CA2: variants seen among roughly 807,000 people sequenced by gnomAD.
The protein encoded by CA2 is carbonate dehydratase II.
CA2 carries 23 observed loss-of-function variants against 27.8 expected under a neutral mutation model. The observed-to-expected ratio is 0.83, with a 90% CI of 0.59 to 1.17. CA2 has a LOEUF of 1.17. Among genes scored for constraint, CA2 ranks in the 50% most tolerant of loss-of-function variants. The pLI is 0.00. For missense variants in CA2, 300 were observed against 314.7 expected, an observed-to-expected ratio of 0.95 and a Z score of 0.35; for synonymous variants, 99 against 114.9, an observed-to-expected ratio of 0.86 and a Z score of 0.88.
At chr8:85,474,499 C>A in intron 4 of CA2, 83 bp downstream of exon 4, 2 of 1,035,114 alleles carry the variant, frequency 1.9e-6, no homozygotes, top group Non-Finnish European at 3.1e-6. Flanking sequence ...ACAGGACATT[C>A]TACAAAAGAG....
At chr8:85,467,642 T>G (rs1811648909) in intron 2 of CA2, among the ~76,000 whole-genome samples, 1 of 152,256 alleles carries the variant, frequency 6.6e-6, no homozygotes, top group Admixed American at 6.5e-5. Flanking sequence ...TTCTGAAGCA[T>G]ACTGTTTATC....
Position 85,477,295 on chromosome 8 carries a change from G to A in CA2, c.663+20G>A, listed in dbSNP as rs754835312. The A allele has an allele frequency of 2.5e-6, 4 of 1,613,946 alleles. No homozygotes were observed. The highest frequency in any genetic ancestry group is 3.4e-6 in the Non-Finnish European group (4 of 1,179,878). ...GAGCAGGTTTGTTTTGTAATGACAG[G>A]TCTGTTTACGGGTGGAGCATTTAGT... On this transcript the variant is annotated intron_variant, in intron 6 of 6. Coordinates refer to ENST00000285379, the MANE Select transcript of CA2 (RefSeq NM_000067.3).
chr8:85,473,257 G>C (rs958607731), intron 2 of CA2: 1 of 351,332 alleles, frequency 2.8e-6, no homozygotes, highest in South Asian at 2.2e-5. Context: ...TCTCACGTTT[G>C]CAAGTGTGTG....
chr8:85,480,058 T>C (rs1811864268), intron 6 of CA2, among the ~76,000 whole-genome samples: 1 of 152,200 alleles, frequency 6.6e-6, no homozygotes. Context: ...AGACTTTTGA[T>C]GTTAGATTTT....
At position 85,477,162 on chromosome 8, in the gene CA2, C is replaced by T. The variant is rs753847702; in HGVS notation, c.550C>T (p.Leu184Phe). The T allele has an allele frequency of 1.9e-6, 3 of 1,614,094 alleles. No homozygotes were observed. The highest frequency in any genetic ancestry group is 1.6e-4 in the Middle Eastern group (1 of 6,062). ...CACTAACTTCGATCCTCGTGGCCTCCTTCCTGAATCCTTGGATTACTGGAC... is the reference window on the plus strand; with the variant it reads ...CACTAACTTCGATCCTCGTGGCCTCTTTCCTGAATCCTTGGATTACTGGAC... Reference protein sequence around the residue: ...DFTNFDPRGLLPESLDYWTYP... With the variant: ...DFTNFDPRGLFPESLDYWTYP... Residue 184 changes from leucine to phenylalanine, a missense_variant, in exon 6 of 7, where the codon CTT becomes TTT. By Grantham distance (22) the Leu-to-Phe change is conservative. Transcript: ENST00000285379.
At chr8:85,475,606 T>C (rs1228838721) in intron 4 of CA2, among the ~76,000 whole-genome samples, 192 bp from the exon 5 acceptor site, 1 of 151,902 alleles carries the variant, frequency 6.6e-6, no homozygotes, top group African/African-American at 2.4e-5. Flanking sequence ...TAGAGGCGAG[T>C]TGAAGATTCA....
chr8:85,480,413 C>T (rs368478890), intron 6 of CA2, among the ~76,000 whole-genome samples: 14 of 150,128 alleles, frequency 9.3e-5, no homozygotes, highest in South Asian at 6.3e-4. Flanking sequence ...TGCTCTACCA[C>T]GCCTGTTTAA....
intron 4 of CA2, among the ~76,000 whole-genome samples, chr8:85,474,815 A>C (rs902522791): frequency 6.6e-6 from 1 of 152,182 alleles, no homozygotes; most frequent in Non-Finnish European, 1.5e-5. Flanking sequence ...GCTGCCCTCT[A>C]AACAGTGGTA....
At chr8:85,466,373 C>T (rs1374304828) in intron 2 of CA2, among the ~76,000 whole-genome samples, 2 of 151,558 alleles carry the variant, frequency 1.3e-5, no homozygotes, top group African/African-American at 4.9e-5. Flanking sequence ...AGTGGTGGAA[C>T]AAAATGAGAA....
At chr8:85,465,621 A>G in intron 2 of CA2, 152 bp downstream of exon 2, 1 of 715,340 alleles carries the variant, frequency 1.4e-6, no homozygotes, top group African/African-American at 1.7e-5. Flanking sequence ...ATTAGGTCTC[A>G]GATTCTGAGA....
chr8:85,474,901 G>C (rs1349392679), intron 4 of CA2, among the ~76,000 whole-genome samples: 1 of 152,150 alleles, frequency 6.6e-6, no homozygotes, highest in Non-Finnish European at 1.5e-5. Flanking sequence ...CTACAGGTGT[G>C]TATGAAATCA....
intron 6 of CA2, 138 bp downstream of exon 6, chr8:85,477,413 G>A (rs1371894101): frequency 2.1e-6 from 2 of 958,186 alleles, no homozygotes; most frequent in Middle Eastern, 3.1e-4. Flanking sequence ...GCCTTTGATG[G>A]TGCCTAGCAA....
chr8:85,473,791 A>C lies in CA2; in HGVS notation c.331A>C (p.Lys111Gln). ...ACAAGGTTCAGAGCATACTGTGGATAAAAAGAAATATGCTGCAGAAGTAAG... is the reference window on the plus strand; with the variant it reads ...ACAAGGTTCAGAGCATACTGTGGATCAAAAGAAATATGCTGCAGAAGTAAG... Reference protein sequence around the residue: ...DGQGSEHTVDKKKYAAELHLV... With the variant: ...DGQGSEHTVDQKKYAAELHLV... The change falls in exon 3 of 7, where the codon AAA becomes CAA. Residue 111 changes from lysine to glutamine, a missense_variant. By Grantham distance (53) the Lys-to-Gln change is moderately conservative. Coordinates refer to ENST00000285379, the MANE Select transcript of CA2 (RefSeq NM_000067.3). The C allele has an allele frequency of 3.8e-6, 6 of 1,576,070 alleles. No homozygotes were observed. Among genetic ancestry groups the C allele is most frequent in the Non-Finnish European group, 5.2e-6 (6 of 1,145,326 alleles).
intron 2 of CA2, among the ~76,000 whole-genome samples, chr8:85,470,880 T>C (rs1811704862): frequency 6.6e-6 from 1 of 151,938 alleles, no homozygotes; most frequent in South Asian, 2.1e-4. Flanking sequence ...CAGAACCCAT[T>C]TCTGGGGTAC....
At chr8:85,468,052 T>C (rs1213960854) in intron 2 of CA2, among the ~76,000 whole-genome samples, 2 of 152,168 alleles carry the variant, frequency 1.3e-5, no homozygotes, top group Non-Finnish European at 2.9e-5. Flanking sequence ...GACATAGAAA[T>C]AGTAGACCCT....
intron 6 of CA2, among the ~76,000 whole-genome samples, chr8:85,479,884 G>GGAAA (rs1811861531): frequency 6.6e-6 from 1 of 152,146 alleles, no homozygotes; most frequent in Non-Finnish European, 1.5e-5. Flanking sequence ...GTGTTTTTGT[G>GGAAA]TATTTGGAGA....
intron 1 of CA2, chr8:85,464,317 C>T (rs1400439111): frequency 2.1e-6 from 1 of 480,246 alleles, no homozygotes; most frequent in African/African-American, 2.1e-5. Flanking sequence ...CCCCCTTGCC[C>T]CAGCTGCGAG....
chr8:85,480,860 T>A lies in CA2; in HGVS notation c.*71T>A, dbSNP rs981347265. On this transcript the variant is annotated 3_prime_UTR_variant, in exon 7 of 7. Transcript: ENST00000285379. Reference sequence around the variant, plus strand: ...CCCTTTAGCTAAGCACAGATCTACCTTGGTGATTTGGACCCTGGTTGCTTT... The same window carrying A: ...CCCTTTAGCTAAGCACAGATCTACCATGGTGATTTGGACCCTGGTTGCTTT... 1.7e-5 allele frequency: 26 copies of A among 1,534,138 alleles called. No individual in the cohort carries two copies. The highest frequency in any genetic ancestry group is 2.1e-5 in the Non-Finnish European group (23 of 1,111,204).
At chr8:85,473,554 A>G in intron 2 of CA2, 139 bp from the exon 3 acceptor site, 1 of 699,990 alleles carries the variant, frequency 1.4e-6, no homozygotes, top group South Asian at 1.5e-5. Context: ...GCAAACATTT[A>G]GTACTGTAAA....
Sources: gnomAD v4.1 joint callset for allele counts (sites outside exome capture counted in the v4.1 genomes callset) on GRCh38, gnomAD v4.1.1 for gene constraint, MANE v1.5 for transcripts, NCBI Gene and HGNC (gene_info 2026-07-23, HGNC 2026-07-21) for gene names.